B4GALNT3: variants seen among roughly 807,000 people sequenced by gnomAD.
B4GALNT3 encodes beta-1,4-N-acetylgalactosaminyltransferase 3.
Under a neutral mutation model 120.2 loss-of-function variants are expected in B4GALNT3, and 86 were observed. That is an observed-to-expected ratio of 0.72 (90% CI 0.60 to 0.86). The LOEUF is 0.86. Ranked by LOEUF, B4GALNT3 falls within the 40% of genes least tolerant of loss-of-function variation. The pLI is 0.00. For missense variants in B4GALNT3, 1,167 were observed against 1,298.9 expected, an observed-to-expected ratio of 0.90 and a Z score of 1.56; for synonymous variants, 518 against 510.4, an observed-to-expected ratio of 1.01 and a Z score of -0.20.
intron 1 of B4GALNT3, among the ~76,000 whole-genome samples, chr12:531,115 G>A (rs1468756847): frequency 6.6e-6 from 1 of 152,204 alleles, no homozygotes; most frequent in Non-Finnish European, 1.5e-5. Context: ...CCCCAGGGGG[G>A]CTAAGCAATG....
intron 16 of B4GALNT3, 49 bp from the exon 17 acceptor site, chr12:557,967 A>T (rs770051974): frequency 6.3e-7 from 1 of 1,591,632 alleles, no homozygotes; most frequent in African/African-American, 1.3e-5. Context: ...CCTCCAGGGG[A>T]CCACCGCAGC....
intron 14 of B4GALNT3, chr12:555,539 C>G: frequency 2.8e-6 from 1 of 356,708 alleles, no homozygotes; most frequent in Non-Finnish European, 5.6e-6. Context: ...TAAAATGCTG[C>G]AATGAACATT....
At chr12:514,984 C>A (rs1263305324) in intron 1 of B4GALNT3, among the ~76,000 whole-genome samples, 1 of 152,100 alleles carries the variant, frequency 6.6e-6, no homozygotes, top group Non-Finnish European at 1.5e-5. Context: ...CACCACTGCA[C>A]TTGAGCCTGG....
chr12:537,784 C>A (rs973641631), intron 3 of B4GALNT3, among the ~76,000 whole-genome samples: 2 of 152,124 alleles, frequency 1.3e-5, no homozygotes, highest in Admixed American at 6.5e-5. Flanking sequence ...CTGGGTGGTA[C>A]GGGCTAGCTC....
At chr12:508,672 C>A (rs1946519815) in intron 1 of B4GALNT3, among the ~76,000 whole-genome samples, 2 of 152,156 alleles carry the variant, frequency 1.3e-5, no homozygotes, top group South Asian at 4.2e-4. Context: ...CACCCATTAC[C>A]TTTTCCCTCT....
chr12:562,059 C>T lies in B4GALNT3; in HGVS notation c.*608C>T, dbSNP rs57040950. 0.028 allele frequency: 4,273 copies of T among 152,400 alleles called. 209 individuals are homozygous for T. Among genetic ancestry groups the T allele is most frequent in the African/African-American group, 0.097 (4,019 of 41,550 alleles). The allele number at this position is 152,400 out of a possible 1,614,324, so 9.4% of individuals were successfully genotyped here. A position where few individuals can be genotyped will look rare whatever the true frequency, so the allele number is the denominator to read the frequency against. ...GTGCCTTCCAGAGACACACATCTCC[C>T]AGTAGCCACCAAACAGCTGGCCACT... is the stretch of plus-strand genomic sequence containing the variant. On this transcript the variant is annotated 3_prime_UTR_variant, in exon 20 of 20. Transcript: ENST00000266383. The surrounding 1 kb of genome is among the most constrained non-coding windows in gnomAD (Gnocchi z 5.2).
chr12:503,160 C>A (rs1380965745), intron 1 of B4GALNT3, among the ~76,000 whole-genome samples: 1 of 152,148 alleles, frequency 6.6e-6, no homozygotes, highest in Non-Finnish European at 1.5e-5. Context: ...CTGATGTTTT[C>A]TACCCTGTTT....
chr12:481,065 C>A (rs1380143230), intron 1 of B4GALNT3, among the ~76,000 whole-genome samples: 1 of 152,206 alleles, frequency 6.6e-6, no homozygotes, highest in African/African-American at 2.4e-5. Context: ...GCTCCCACCA[C>A]AAAGACCATC....
intron 1 of B4GALNT3, among the ~76,000 whole-genome samples, chr12:525,945 G>A (rs12424961): frequency 0.14 from 21,915 of 152,226 alleles, 2,137 homozygotes; most frequent in Admixed American, 0.3. Flanking sequence ...AGAACATTCT[G>A]CCTGAGGTTC....
At chr12:547,974 C>T in intron 7 of B4GALNT3, 50 bp from the exon 8 acceptor site, 1 of 1,538,854 alleles carries the variant, frequency 6.5e-7, no homozygotes, top group Non-Finnish European at 9.0e-7. Flanking sequence ...AGCCGCGACC[C>T]CAGGGCCCAT....
intron 15 of B4GALNT3, among the ~76,000 whole-genome samples, chr12:557,337 C>A (rs75397942): frequency 0.075 from 11,473 of 152,188 alleles, 624 homozygotes; most frequent in Middle Eastern, 0.11. Context: ...GGGCTACTGA[C>A]AATGAGCCCC....
chr12:506,927 T>C (rs557537883), intron 1 of B4GALNT3, among the ~76,000 whole-genome samples: 152 of 152,370 alleles, frequency 1.0e-3, no homozygotes, highest in Middle Eastern at 3.4e-3. Flanking sequence ...TGAGCCACCG[T>C]GCCCGGCCAA....
At chr12:514,678 C>T (rs1286412233) in intron 1 of B4GALNT3, among the ~76,000 whole-genome samples, 4 of 151,282 alleles carry the variant, frequency 2.6e-5, no homozygotes, top group African/African-American at 9.7e-5. Flanking sequence ...TTCTAGGAAA[C>T]AAAAAAGGGT....
chr12:482,570 A>G (rs547827993), intron 1 of B4GALNT3, among the ~76,000 whole-genome samples: 1 of 152,312 alleles, frequency 6.6e-6, no homozygotes, highest in South Asian at 2.1e-4. Context: ...TGATGAAAAA[A>G]GTTGTGGGGA....
Position 558,188 on chromosome 12 carries a change from C to T in B4GALNT3, c.2607+100C>T, listed in dbSNP as rs141110460. The T allele has an allele frequency of 8.8e-4, 1,176 of 1,340,968 alleles. 18 individuals are homozygous for T. The South Asian group carries it at 9.7e-3, about 11-fold the overall frequency. 83.1% of individuals were successfully genotyped at this position (1,340,968 alleles called of 1,614,324 possible). On this transcript the variant is annotated intron_variant, in intron 17 of 19. Coordinates refer to ENST00000266383, the MANE Select transcript of B4GALNT3 (RefSeq NM_173593.4). ...GAGGTGGTGAGCCCCTCAGGGAGGACGGGAATGAGGACACAGGAGGTCCTC... is the reference window on the plus strand; with the variant it reads ...GAGGTGGTGAGCCCCTCAGGGAGGATGGGAATGAGGACACAGGAGGTCCTC...
chr12:543,023 C>A, intron 3 of B4GALNT3: 1 of 1,017,082 alleles, frequency 9.8e-7, no homozygotes, highest in Non-Finnish European at 1.3e-6. Context: ...GAAACCCCAG[C>A]CGGCTCCTCC....
At chr12:538,465 G>A (rs1376339060) in intron 3 of B4GALNT3, among the ~76,000 whole-genome samples, 1 of 151,526 alleles carries the variant, frequency 6.6e-6, no homozygotes, top group Non-Finnish European at 1.5e-5. Flanking sequence ...GGGCTGAGGC[G>A]GGAGGATTGC....
chr12:486,371 G>A (rs1003051947), intron 1 of B4GALNT3, among the ~76,000 whole-genome samples: 7 of 151,740 alleles, frequency 4.6e-5, no homozygotes, highest in Admixed American at 2.6e-4. Context: ...CACTGCACCC[G>A]GCTAATTTTT....
At chr12:536,055 G>A (rs963557253) in intron 2 of B4GALNT3, among the ~76,000 whole-genome samples, 163 bp from the exon 3 acceptor site, 4 of 152,332 alleles carry the variant, frequency 2.6e-5, no homozygotes, top group South Asian at 2.1e-4. Flanking sequence ...AGGAGCAGGC[G>A]CTGATGAAAC....
Sources: allele counts gnomAD v4.1 joint callset (sites outside exome capture counted in the v4.1 genomes callset), GRCh38; gene constraint gnomAD v4.1.1; non-coding constraint Gnocchi (gnomAD v3.1); transcripts MANE v1.5; gene names NCBI Gene and HGNC (gene_info 2026-07-23, HGNC 2026-07-21).